The following DMRT1 variants were observed in gnomAD, a reference collection of about 807,000 sequenced individuals.
DMRT1 encodes doublesex- and mab-3-related transcription factor 1.
DMRT1 carries 7 observed loss-of-function variants against 32.3 expected under a neutral mutation model. That is an observed-to-expected ratio of 0.22 (90% confidence interval 0.12 to 0.41). The LOEUF (loss-of-function observed/expected upper bound fraction) is 0.41, where lower values mean the gene tolerates loss of function less well. Ranked by LOEUF, DMRT1 falls within the 10% of genes least tolerant of loss-of-function variation. DMRT1 has a pLI of 1.00. For missense variants in DMRT1, 625 were observed against 500.5 expected (o/e 1.25, Z -2.37); for synonymous variants, 278 against 206.1 (o/e 1.35, Z -2.99).
intron 3 of DMRT1, among the ~76,000 whole-genome samples, chr9:899,447 G>A (rs540758726): frequency 6.8e-4 from 104 of 152,292 alleles, no homozygotes; most frequent in African/African-American, 2.1e-3. Context: ...CAGTCTCCTA[G>A]CTCGGCATTC....
intron 4 of DMRT1, among the ~76,000 whole-genome samples, chr9:943,797 C>G (rs1564267709): frequency 6.6e-6 from 1 of 152,158 alleles, no homozygotes; most frequent in Non-Finnish European, 1.5e-5. Context: ...AGAAAAGCCG[C>G]AAAAGCACAA....
intron 1 of DMRT1, among the ~76,000 whole-genome samples, chr9:843,525 T>G (rs1282376270): frequency 6.6e-6 from 1 of 152,222 alleles, no homozygotes; most frequent in Non-Finnish European, 1.5e-5. Flanking sequence ...GGTTTGAGAT[T>G]TGGTCCGTCT....
intron 4 of DMRT1, among the ~76,000 whole-genome samples, chr9:925,813 G>T (rs113359216): frequency 0.019 from 2,960 of 152,268 alleles, 59 homozygotes; most frequent in African/African-American, 0.046. Context: ...GACAGTGCCT[G>T]TTAGGTAGGG....
chr9:947,872 G>C (rs1483556713), intron 4 of DMRT1, among the ~76,000 whole-genome samples: 10 of 152,156 alleles, frequency 6.6e-5, no homozygotes, highest in Non-Finnish European at 8.8e-5. Flanking sequence ...ATCTCAGCCG[G>C]AGCTGGATTC....
intron 4 of DMRT1, among the ~76,000 whole-genome samples, chr9:956,573 A>C (rs4740978): frequency 2.8e-4 from 36 of 127,762 alleles, no homozygotes; most frequent in African/African-American, 9.5e-4. Context: ...CAAAAAAAAA[A>C]AAAACAAAAA....
intron 2 of DMRT1, among the ~76,000 whole-genome samples, chr9:859,343 A>G (rs921385068): frequency 1.3e-5 from 2 of 152,252 alleles, no homozygotes; most frequent in South Asian, 2.1e-4. Context: ...TATGCAGTAC[A>G]CTGTAAATTC....
At chr9:915,764 G>A (rs543690085) in intron 3 of DMRT1, among the ~76,000 whole-genome samples, 4 of 149,534 alleles carry the variant, frequency 2.7e-5, no homozygotes, top group Non-Finnish European at 4.4e-5. Context: ...ACAGAGTCTC[G>A]CTCTGTCGCC....
intron 2 of DMRT1, among the ~76,000 whole-genome samples, chr9:890,085 GTTT>G (rs35228255): frequency 0.012 from 1,254 of 102,956 alleles, 15 homozygotes; most frequent in Middle Eastern, 0.019. Flanking sequence ...CACCAAACGT[GTTT>G]TTTTTTTTTT....
At chr9:845,013 C>T (rs1174211685) in intron 1 of DMRT1, among the ~76,000 whole-genome samples, 5 of 151,998 alleles carry the variant, frequency 3.3e-5, no homozygotes, top group Admixed American at 1.3e-4. Context: ...TGAGCCACTG[C>T]GCCCGGCCTG....
chr9:966,814 C>G (rs1425550540), intron 4 of DMRT1, among the ~76,000 whole-genome samples: 1 of 152,156 alleles, frequency 6.6e-6, no homozygotes, highest in East Asian at 1.9e-4. Flanking sequence ...TGATGGCAAA[C>G]ACATCAGGAC....
chr9:928,371 A>G (rs1818596775), intron 4 of DMRT1, among the ~76,000 whole-genome samples: 1 of 152,174 alleles, frequency 6.6e-6, no homozygotes, highest in Non-Finnish European at 1.5e-5. Context: ...CATTGAATCC[A>G]GGGTCTCTCC....
intron 4 of DMRT1, among the ~76,000 whole-genome samples, chr9:935,526 C>T (rs1390824272): frequency 6.6e-6 from 1 of 152,156 alleles, no homozygotes; most frequent in African/African-American, 2.4e-5. Flanking sequence ...TTCTGATGAG[C>T]GATAGATTGG....
chr9:862,540 A>AT (rs1294793735), intron 2 of DMRT1, among the ~76,000 whole-genome samples: 1 of 150,924 alleles, frequency 6.6e-6, no homozygotes, highest in Non-Finnish European at 1.5e-5. Flanking sequence ...GGGGAGGGAG[A>AT]TTGAGATTTA....
chr9:928,032 T>C (rs1818585067), intron 4 of DMRT1, among the ~76,000 whole-genome samples: 1 of 152,196 alleles, frequency 6.6e-6, no homozygotes, highest in South Asian at 2.1e-4. Flanking sequence ...GTCAGTGGCT[T>C]ATTTATTATT....
At chr9:955,108 A>T (rs1226027957) in intron 4 of DMRT1, among the ~76,000 whole-genome samples, 2 of 152,064 alleles carry the variant, frequency 1.3e-5, no homozygotes, top group Non-Finnish European at 2.9e-5. Context: ...ATTAGAGAAG[A>T]GGTGGTCAGT....
chr9:930,781 C>T (rs57594918), intron 4 of DMRT1, among the ~76,000 whole-genome samples: 2 of 151,694 alleles, frequency 1.3e-5, no homozygotes, highest in African/African-American at 2.4e-5. Context: ...GGGCCTCAAG[C>T]GGCCTGTTTC....
chr9:845,771 C>G (rs1838877397), intron 1 of DMRT1, among the ~76,000 whole-genome samples: 2 of 47,316 alleles, frequency 4.2e-5, no homozygotes, highest in African/African-American at 1.1e-4. Flanking sequence ...CCTAAGCAGA[C>G]CCTGCCTGCC....
chr9:898,729 A>G (rs1817464095), intron 3 of DMRT1, among the ~76,000 whole-genome samples: 1 of 152,176 alleles, frequency 6.6e-6, no homozygotes, highest in Non-Finnish European at 1.5e-5. Flanking sequence ...TTGGGTCTTC[A>G]ACTACTTTCT....
intron 4 of DMRT1, among the ~76,000 whole-genome samples, chr9:934,249 T>C (rs749674548): frequency 1.2e-4 from 18 of 150,966 alleles, no homozygotes; most frequent in Non-Finnish European, 2.4e-4. Context: ...ATTTCGTGAG[T>C]GGCCTCTTCA....
Sources: allele counts gnomAD v4.1 joint callset (sites outside exome capture counted in the v4.1 genomes callset), GRCh38; gene constraint gnomAD v4.1.1; transcripts MANE v1.5; gene names NCBI Gene and HGNC (gene_info 2026-07-23, HGNC 2026-07-21).